SLC8A1: variants seen among roughly 807,000 people sequenced by gnomAD.
SLC8A1 encodes sodium/calcium exchanger 1.
SLC8A1 carries 18 observed loss-of-function variants against 68.3 expected under a neutral mutation model. The observed-to-expected ratio is 0.26, with a 90% CI of 0.18 to 0.39. SLC8A1 has a LOEUF of 0.39. Among genes scored for constraint, SLC8A1 ranks in the 10% least tolerant of loss-of-function variants. The pLI is 1.00. For synonymous variants in SLC8A1, 475 were observed against 415.5 expected (o/e 1.14, Z -1.74); for missense variants, 985 against 1,156.7 (o/e 0.85, Z 2.15).
At chr2:40,184,310 G>GAGAC (rs1190350987) in intron 2 of SLC8A1, among the ~76,000 whole-genome samples, 1 of 152,166 alleles carries the variant, frequency 6.6e-6, no homozygotes, top group African/African-American at 2.4e-5. Flanking sequence ...ATAGAATTGT[G>GAGAC]AGACAGTAAT....
intron 2 of SLC8A1, among the ~76,000 whole-genome samples, chr2:40,213,931 G>GT (rs1268839629): frequency 6.6e-6 from 1 of 152,170 alleles, no homozygotes; most frequent in African/African-American, 2.4e-5. Flanking sequence ...AAGAAAAACA[G>GT]TAACCACACC....
chr2:40,238,276 C>G (rs1389304052), intron 2 of SLC8A1, among the ~76,000 whole-genome samples: 8 of 152,222 alleles, frequency 5.3e-5, no homozygotes, highest in Non-Finnish European at 1.0e-4. Context: ...GCGTAGGACC[C>G]TCCCAGCCAG....
At chr2:40,434,487 C>G (rs185219926) in intron 1 of SLC8A1, among the ~76,000 whole-genome samples, 21 of 152,252 alleles carry the variant, frequency 1.4e-4, no homozygotes, top group African/African-American at 4.3e-4. Flanking sequence ...AGTAGTTCTA[C>G]TAAACTCTCC....
chr2:40,493,166 T>TAA (rs1705433485), intron 1 of SLC8A1, among the ~76,000 whole-genome samples: 1 of 152,122 alleles, frequency 6.6e-6, no homozygotes, highest in South Asian at 2.1e-4. Context: ...TATGCAGCTG[T>TAA]AAAAAATGAT....
At chr2:40,473,348 A>T (rs929931952) in intron 1 of SLC8A1, among the ~76,000 whole-genome samples, 1 of 152,160 alleles carries the variant, frequency 6.6e-6, no homozygotes, top group East Asian at 1.9e-4. Context: ...TGCCTCTTCA[A>T]TTGCTTCTGG....
intron 1 of SLC8A1, among the ~76,000 whole-genome samples, chr2:40,432,424 T>TGTGTGC (rs1698544473): frequency 7.2e-6 from 1 of 139,640 alleles, no homozygotes; most frequent in East Asian, 2.1e-4. Context: ...TGTGTGTGTG[T>TGTGTGC]ATGTGTCAGT....
intron 2 of SLC8A1, among the ~76,000 whole-genome samples, chr2:40,395,783 T>A (rs1333133654): frequency 1.3e-5 from 2 of 152,130 alleles, no homozygotes; most frequent in African/African-American, 4.8e-5. Flanking sequence ...AGCTGTTCCT[T>A]AACCAAAGGC....
chr2:40,148,828 T>C (rs781069135), intron 6 of SLC8A1, among the ~76,000 whole-genome samples: 35 of 152,334 alleles, frequency 2.3e-4, no homozygotes, highest in Non-Finnish European at 4.4e-4. Flanking sequence ...AATTAGCTGA[T>C]TGGTGGAATT....
intron 1 of SLC8A1, among the ~76,000 whole-genome samples, chr2:40,470,858 T>G (rs779987737): frequency 2.6e-5 from 4 of 152,138 alleles, no homozygotes; most frequent in Non-Finnish European, 5.9e-5. Context: ...AATTGTTTAA[T>G]TGCCAAATTA....
chr2:40,458,063 G>A (rs1430458730), intron 1 of SLC8A1, among the ~76,000 whole-genome samples: 1 of 152,136 alleles, frequency 6.6e-6, no homozygotes, highest in African/African-American at 2.4e-5. Context: ...AAGTTTTTTG[G>A]GATGGTTCTA....
At chr2:40,253,551 C>T (rs535756820) in intron 2 of SLC8A1, among the ~76,000 whole-genome samples, 2 of 152,072 alleles carry the variant, frequency 1.3e-5, no homozygotes, top group South Asian at 2.1e-4. Context: ...AAGGGCCTGG[C>T]GCGGTGGCTC....
intron 2 of SLC8A1, among the ~76,000 whole-genome samples, chr2:40,275,713 T>C (rs1333184665): frequency 1.3e-5 from 2 of 152,220 alleles, no homozygotes; most frequent in East Asian, 3.8e-4. Flanking sequence ...GGCAGAGCTG[T>C]TGTGAACATC....
intron 1 of SLC8A1, among the ~76,000 whole-genome samples, chr2:40,441,185 A>G (rs1039080818): frequency 6.6e-6 from 1 of 152,146 alleles, no homozygotes; most frequent in Admixed American, 6.6e-5. Flanking sequence ...CAATTGCTAT[A>G]AAAAGAATAA....
intron 7 of SLC8A1, 147 bp downstream of exon 10, chr2:40,139,254 G>A: frequency 1.1e-6 from 1 of 872,186 alleles, no homozygotes; most frequent in Admixed American, 2.8e-5. Flanking sequence ...CAATGTTCCG[G>A]CAGTAACATT....
At chr2:40,480,156 C>A (rs547908951) in intron 1 of SLC8A1, among the ~76,000 whole-genome samples, 3 of 152,186 alleles carry the variant, frequency 2.0e-5, no homozygotes, top group Admixed American at 6.5e-5. Flanking sequence ...CAGAACTAAA[C>A]CCCAAAACCT....
chr2:40,402,820 C>G (rs978063291), intron 2 of SLC8A1, among the ~76,000 whole-genome samples: 11 of 152,204 alleles, frequency 7.2e-5, no homozygotes, highest in African/African-American at 2.7e-4. Context: ...CTCAACTTGA[C>G]TAGACCATCA....
chr2:40,372,425 C>G (rs1307318777), intron 2 of SLC8A1, among the ~76,000 whole-genome samples: 1 of 152,102 alleles, frequency 6.6e-6, no homozygotes, highest in Non-Finnish European at 1.5e-5. Context: ...GTGGAAGCCA[C>G]AAACTCCTCT....
exon 5 of SLC8A1, chr2:40,164,943 C>G (rs757113326): frequency 6.2e-7 from 1 of 1,614,000 alleles, no homozygotes; most frequent in Non-Finnish European, 8.5e-7. Flanking sequence ...CGCCTCTCCT[C>G]TTCCTCTTTG....
intron 2 of SLC8A1, among the ~76,000 whole-genome samples, chr2:40,248,763 G>A (rs1369866984): frequency 2.0e-5 from 3 of 152,154 alleles, no homozygotes; most frequent in African/African-American, 7.2e-5. Flanking sequence ...GATGATGGTA[G>A]CCAGGAGAAA....
Sources: gnomAD v4.1 joint callset for allele counts (sites outside exome capture counted in the v4.1 genomes callset) on GRCh38, gnomAD v4.1.1 for gene constraint, MANE v1.5 for transcripts, NCBI Gene and HGNC (gene_info 2026-07-23, HGNC 2026-07-21) for gene names.